Variants in SNX24 observed in about 807,000 individuals in gnomAD.
SNX24 encodes sorting nexin 24.
Under a neutral mutation model 28.7 loss-of-function variants are expected in SNX24, and 22 were observed. That is an observed-to-expected ratio of 0.77 (90% confidence interval 0.55 to 1.10). SNX24 has a LOEUF of 1.10. Among genes scored for constraint, SNX24 ranks in the 50% least tolerant of loss-of-function variants. The probability of loss-of-function intolerance (pLI) is 0.00; values close to 1 mark genes in which losing one functional copy is unlikely to be tolerated. For missense variants in SNX24, 221 were observed against 201.1 expected, an observed-to-expected ratio of 1.10 and a Z score of -0.60; for synonymous variants, 69 against 71.5, an observed-to-expected ratio of 0.96 and a Z score of 0.18.
At chr5:122,939,733 A>G (rs1433012340) in intron 2 of SNX24, among the ~76,000 whole-genome samples, 1 of 152,174 alleles carries the variant, frequency 6.6e-6, no homozygotes, top group East Asian at 1.9e-4. Context: ...GATGTACTGA[A>G]TTAGAATCTT....
Position 122,920,803 on chromosome 5 carries a change from A to G in SNX24, c.61-15931A>G, listed in dbSNP as rs550511137. ...TTTTCACTCAAAAATTTAAAAAATG[A>G]GATATACATGTTCAATGCAGAAAAA... On this transcript the variant is annotated intron_variant, in intron 1 of 6. Transcript: ENST00000261369. 1.6e-4 allele frequency among the ~76,000 whole-genome samples: 24 copies of G among 152,350 alleles called. No individual in the cohort carries two copies. In the South Asian group the frequency reaches 4.8e-3, roughly 30 times the overall value.
intron 5 of SNX24, among the ~76,000 whole-genome samples, chr5:123,021,665 T>G (rs45586444): frequency 0.013 from 2,052 of 152,236 alleles, 39 homozygotes; most frequent in African/African-American, 0.032. Flanking sequence ...ACGCAGAGCA[T>G]CACATCATGC....
chr5:122,849,500 A>G (rs191044332), intron 1 of SNX24, among the ~76,000 whole-genome samples: 33 of 152,060 alleles, frequency 2.2e-4, no homozygotes, highest in African/African-American at 7.7e-4. Flanking sequence ...TGACTTTGAA[A>G]TCTAATTAGG....
At chr5:122,957,969 A>G (rs1405206324) in intron 3 of SNX24, among the ~76,000 whole-genome samples, 1 of 152,112 alleles carries the variant, frequency 6.6e-6, no homozygotes, top group African/African-American at 2.4e-5. Flanking sequence ...ATCACATGCA[A>G]ACAAAGATAA....
At chr5:122,932,078 T>TA (rs1758981124) in intron 1 of SNX24, among the ~76,000 whole-genome samples, 1 of 152,234 alleles carries the variant, frequency 6.6e-6, no homozygotes, top group Non-Finnish European at 1.5e-5. Flanking sequence ...TGACATGTAA[T>TA]AAAAACCACA....
At chr5:122,864,507 A>C (rs1755631929) in intron 1 of SNX24, among the ~76,000 whole-genome samples, 1 of 152,218 alleles carries the variant, frequency 6.6e-6, no homozygotes, top group South Asian at 2.1e-4. Context: ...TTTTATTATT[A>C]CTCAAATCAA....
intron 2 of SNX24, among the ~76,000 whole-genome samples, chr5:122,941,033 C>T (rs935150640): frequency 6.6e-6 from 1 of 152,174 alleles, no homozygotes; most frequent in Non-Finnish European, 1.5e-5. Context: ...CTCCTTTCAT[C>T]ACCTCTCCTC....
downstream of SNX24, among the ~76,000 whole-genome samples, chr5:123,013,839 G>A (rs2150185219): frequency 6.6e-6 from 1 of 152,188 alleles, no homozygotes; most frequent in East Asian, 1.9e-4. Flanking sequence ...TGTTGGACTA[G>A]GGTTTTGCAT....
At chr5:122,854,042 G>A (rs949609696) in intron 1 of SNX24, among the ~76,000 whole-genome samples, 1 of 151,802 alleles carries the variant, frequency 6.6e-6, no homozygotes, top group Non-Finnish European at 1.5e-5. Flanking sequence ...TTCAGCATCT[G>A]CTTTTGTCCT....
intron 5 of SNX24, among the ~76,000 whole-genome samples, chr5:123,016,600 C>T (rs893650521): frequency 1.3e-5 from 2 of 152,062 alleles, no homozygotes; most frequent in Admixed American, 1.3e-4. Flanking sequence ...ACTTAGGAGG[C>T]CACTTGAGTA....
intron 1 of SNX24, among the ~76,000 whole-genome samples, chr5:122,934,476 C>T (rs1561620030): frequency 6.6e-6 from 1 of 152,128 alleles, no homozygotes; most frequent in Non-Finnish European, 1.5e-5. Context: ...TCTCATGCCT[C>T]AGCCTCCCAA....
intron 1 of SNX24, among the ~76,000 whole-genome samples, chr5:122,868,565 A>G (rs1755824644): frequency 6.6e-6 from 1 of 152,188 alleles, no homozygotes; most frequent in African/African-American, 2.4e-5. Flanking sequence ...TTCAGGCACC[A>G]TTGGATCTGC....
chr5:122,966,282 A>G (rs1746313614), intron 3 of SNX24, among the ~76,000 whole-genome samples: 1 of 152,202 alleles, frequency 6.6e-6, no homozygotes, highest in Admixed American at 6.5e-5. Flanking sequence ...TTTTTTTATT[A>G]TTATACTTTA....
intron 1 of SNX24, among the ~76,000 whole-genome samples, chr5:122,868,135 G>A (rs1755801208): frequency 6.6e-6 from 1 of 152,200 alleles, no homozygotes; most frequent in Admixed American, 6.5e-5. Flanking sequence ...TCTCCATGGG[G>A]CCATAGGTGC....
chr5:122,943,802 A>G (rs1435353085), intron 2 of SNX24, among the ~76,000 whole-genome samples: 1 of 152,188 alleles, frequency 6.6e-6, no homozygotes, highest in Non-Finnish European at 1.5e-5. Flanking sequence ...GGAGGGGATC[A>G]TACAAGGCAT....
At chr5:122,935,055 C>T (rs574508198) in intron 1 of SNX24, among the ~76,000 whole-genome samples, 2 of 152,302 alleles carry the variant, frequency 1.3e-5, no homozygotes, top group African/African-American at 4.8e-5. Context: ...AACCGTCTCC[C>T]TGTTTTATAG....
rs538652159 is a variant in SNX24 at position 122,912,638 on chromosome 5, G to A, written c.61-24096G>A. 3.0e-4 allele frequency among the ~76,000 whole-genome samples: 46 copies of A among 151,924 alleles called. No homozygotes were observed. The South Asian group carries it at 7.1e-3, about 23-fold the overall frequency. On this transcript the variant is annotated intron_variant, in intron 1 of 6. Coordinates refer to ENST00000261369, the MANE Select transcript of SNX24 (RefSeq NM_014035.4). ...GATAGCTCTTATTATTTTGAGATAC[G>A]TCCCATCAATACCTAATTTATTGAG...
At chr5:122,936,993 G>T (rs77219854) in intron 2 of SNX24, among the ~76,000 whole-genome samples, 176 bp downstream of exon 2, 4,586 of 152,204 alleles carry the variant, frequency 0.03, 127 homozygotes, top group East Asian at 0.04. Flanking sequence ...TTAAAGGTAT[G>T]CTTTCTGAAT....
At chr5:122,907,965 T>C (rs1295902700) in intron 1 of SNX24, among the ~76,000 whole-genome samples, 1 of 152,130 alleles carries the variant, frequency 6.6e-6, no homozygotes, top group Non-Finnish European at 1.5e-5. Context: ...CAGTGTCTTC[T>C]GGTATATTTG....
Sources: allele counts gnomAD v4.1 joint callset (sites outside exome capture counted in the v4.1 genomes callset), GRCh38; gene constraint gnomAD v4.1.1; transcripts MANE v1.5; gene names NCBI Gene and HGNC (gene_info 2026-07-23, HGNC 2026-07-21).